ATF3: variants seen among roughly 807,000 people sequenced by gnomAD.
ATF3 encodes cyclic AMP-dependent transcription factor ATF-3.
In ATF3, 10 loss-of-function variants were observed where a neutral mutation model predicts 18.4. The ratio of observed to expected loss-of-function variants is 0.54; its 90% CI spans 0.34 to 0.92. ATF3 has a LOEUF of 0.92. ATF3 is among the 40% of genes least tolerant of loss of function. The pLI is 0.02. For missense variants in ATF3, 183 were observed against 222.3 expected (o/e 0.82, Z 1.12); for synonymous variants, 78 against 87.9 (o/e 0.89, Z 0.63).
chr1:212,591,439 G>A (rs1664882576), intron 1 of ATF3, among the ~76,000 whole-genome samples: 2 of 152,202 alleles, frequency 1.3e-5, no homozygotes, highest in Admixed American at 1.3e-4. Flanking sequence ...AGGTCATTGA[G>A]ATGTTCTGGC....
chr1:212,604,313 A>T (rs370421368), upstream of ATF3, among the ~76,000 whole-genome samples: 9 of 152,132 alleles, frequency 5.9e-5, no homozygotes, highest in South Asian at 2.1e-4. Context: ...CCAGGACTTC[A>T]TCTTGGATTC....
At chr1:212,572,370 A>G (rs923105547) in intron 1 of ATF3, among the ~76,000 whole-genome samples, 1 of 152,084 alleles carries the variant, frequency 6.6e-6, no homozygotes, top group Non-Finnish European at 1.5e-5. Context: ...ATATAAAATT[A>G]GCTGGGCATA....
intron 1 of ATF3, among the ~76,000 whole-genome samples, chr1:212,587,641 C>T (rs961182458): frequency 7.2e-5 from 11 of 152,184 alleles, no homozygotes; most frequent in African/African-American, 1.4e-4. Context: ...AAAATCCAGC[C>T]TTTCCATTGA....
At chr1:212,567,656 A>G (rs888617028) in intron 1 of ATF3, among the ~76,000 whole-genome samples, 2 of 152,208 alleles carry the variant, frequency 1.3e-5, no homozygotes, top group Non-Finnish European at 2.9e-5. Flanking sequence ...TTTATTTTTT[A>G]TAATGCTACC....
At chr1:212,612,616 T>A (rs138862996) in intron 1 of ATF3, among the ~76,000 whole-genome samples, 168 of 152,300 alleles carry the variant, frequency 1.1e-3, no homozygotes, top group African/African-American at 3.8e-3. Context: ...ATCCTAAGAT[T>A]ATAGGATTAA....
chr1:212,609,380 G>T lies in ATF3; in HGVS notation c.-5+450G>T, dbSNP rs13374747. On this transcript the variant is annotated intron_variant, in intron 1 of 3. Coordinates refer to ENST00000341491, the MANE Select transcript of ATF3 (RefSeq NM_001674.4). ...GGGAGCCGATCCTTCCCGGGTGGGG[G>T]GGGGGGGGCGCAGAGAGGCACGAAG... is the stretch of plus-strand genomic sequence containing the variant. Among the ~76,000 whole-genome samples, 489 of 89,592 alleles carry T rather than the reference G, an allele frequency of 5.5e-3. 8 individuals carry two copies. Among genetic ancestry groups the T allele is most frequent in the Admixed American group, 0.012 (102 of 8,684 alleles). 58.8% of individuals were successfully genotyped at this position (89,592 alleles called of 152,430 possible).
At chr1:212,579,878 C>T (rs6671422) in intron 1 of ATF3, among the ~76,000 whole-genome samples, 19,880 of 151,960 alleles carry the variant, frequency 0.13, 1,690 homozygotes, top group East Asian at 0.29. Flanking sequence ...GGCACAGTGG[C>T]TCACGCCTGT....
At chr1:212,615,413 GA>G in intron 2 of ATF3, 152 bp downstream of exon 2, 1 of 990,050 alleles carries the variant, frequency 1.0e-6, no homozygotes, top group Non-Finnish European at 1.5e-6. Context: ...GGAGGAGACA[GA>G]AGTACATAAC....
intron 1 of ATF3, among the ~76,000 whole-genome samples, chr1:212,591,855 C>T (rs996215614): frequency 1.3e-5 from 2 of 152,036 alleles, no homozygotes; most frequent in Non-Finnish European, 2.9e-5. Flanking sequence ...GAAAGGGTTT[C>T]ATTCTGCTGC....
At chr1:212,576,750 CAG>C (rs1203582056) in intron 1 of ATF3, among the ~76,000 whole-genome samples, 1 of 44,766 alleles carries the variant, frequency 2.2e-5, no homozygotes, top group Non-Finnish European at 4.8e-5. Flanking sequence ...TTTTTTGAGG[CAG>C]AGTCTCGCTC....
chr1:212,613,237 C>A (rs1353724096), intron 1 of ATF3, among the ~76,000 whole-genome samples: 1 of 152,174 alleles, frequency 6.6e-6, no homozygotes, highest in Non-Finnish European at 1.5e-5. Context: ...CCCGAGGAAT[C>A]TTTACTTAGC....
chr1:212,602,279 C>T (rs1201602049), intron 1 of ATF3, among the ~76,000 whole-genome samples: 4 of 152,150 alleles, frequency 2.6e-5, no homozygotes, highest in African/African-American at 9.7e-5. Context: ...GCTCTTCTTA[C>T]AATCAGCTTT....
chr1:212,608,440 G>C (rs1055122155), upstream of ATF3, among the ~76,000 whole-genome samples: 7 of 152,138 alleles, frequency 4.6e-5, no homozygotes, highest in Non-Finnish European at 1.0e-4. Flanking sequence ...CAGCGAGTAC[G>C]CACATCTGGC....
chr1:212,597,008 T>A (rs761029983), intron 1 of ATF3, among the ~76,000 whole-genome samples: 9 of 152,206 alleles, frequency 5.9e-5, no homozygotes, highest in Middle Eastern at 6.3e-3. Context: ...ACACGAGGAA[T>A]GAGTGTATGA....
chr1:212,582,652 G>C (rs897254660), intron 1 of ATF3, among the ~76,000 whole-genome samples: 1 of 152,092 alleles, frequency 6.6e-6, no homozygotes, highest in Non-Finnish European at 1.5e-5. Flanking sequence ...ATGCCTGTGC[G>C]TTTTTTTCAA....
intron 1 of ATF3, among the ~76,000 whole-genome samples, chr1:212,584,588 C>G (rs574247632): frequency 6.6e-5 from 10 of 152,060 alleles, no homozygotes; most frequent in East Asian, 1.9e-4. Context: ...TGAGGCCTAC[C>G]TACAAGGGGG....
chr1:212,577,013 G>A (rs1664594927), intron 1 of ATF3, among the ~76,000 whole-genome samples: 1 of 151,920 alleles, frequency 6.6e-6, no homozygotes, highest in South Asian at 2.1e-4. Context: ...TTACAGGCGT[G>A]AGCCACCGAG....
chr1:212,578,214 G>A (rs939098343), intron 1 of ATF3, among the ~76,000 whole-genome samples: 1 of 152,142 alleles, frequency 6.6e-6, no homozygotes, highest in Non-Finnish European at 1.5e-5. Flanking sequence ...AAAATTCTCA[G>A]CCATTATGTC....
At chr1:212,594,423 C>A (rs565945965) in intron 1 of ATF3, among the ~76,000 whole-genome samples, 1 of 151,918 alleles carries the variant, frequency 6.6e-6, no homozygotes, top group Non-Finnish European at 1.5e-5. Flanking sequence ...AAAAAGAAAA[C>A]AAAAAACCTA....
Sources: allele counts gnomAD v4.1 joint callset (sites outside exome capture counted in the v4.1 genomes callset), GRCh38; gene constraint gnomAD v4.1.1; transcripts MANE v1.5; gene names NCBI Gene and HGNC (gene_info 2026-07-23, HGNC 2026-07-21).